The following CCDC60 variants were observed in gnomAD, a reference collection of about 807,000 sequenced individuals.
CCDC60 encodes coiled-coil domain containing 60.
Under a neutral mutation model 63.5 loss-of-function variants are expected in CCDC60, and 54 were observed. The ratio of observed to expected loss-of-function variants is 0.85; its 90% confidence interval spans 0.68 to 1.07. The LOEUF is 1.07. Among genes scored for constraint, CCDC60 ranks in the 50% least tolerant of loss-of-function variants. CCDC60 has a pLI of 0.00. For synonymous variants in CCDC60, 206 were observed against 238.8 expected (o/e 0.86, Z 1.27); for missense variants, 651 against 684.3 (o/e 0.95, Z 0.54).
intron 1 of CCDC60, among the ~76,000 whole-genome samples, chr12:119,335,956 A>G (rs1471469694): frequency 6.6e-6 from 1 of 151,938 alleles, no homozygotes; most frequent in African/African-American, 2.4e-5. Context: ...GACATGGATG[A>G]AATTGGAAAT....
intron 4 of CCDC60, among the ~76,000 whole-genome samples, chr12:119,482,194 G>C (rs1951345041): frequency 1.3e-5 from 2 of 149,130 alleles, no homozygotes. Context: ...ATATGCCACA[G>C]CTTCTTTATC....
intron 1 of CCDC60, among the ~76,000 whole-genome samples, chr12:119,418,407 T>C (rs1215604090): frequency 0.14 from 5,277 of 37,004 alleles, 381 homozygotes; most frequent in Non-Finnish European, 0.2. Flanking sequence ...TTTTTTTTTT[T>C]TTTTTTTTTT....
intron 1 of CCDC60, among the ~76,000 whole-genome samples, chr12:119,395,200 T>C (rs11064773): frequency 0.076 from 11,610 of 152,288 alleles, 565 homozygotes; most frequent in Middle Eastern, 0.16. Context: ...CCCTGAAGAA[T>C]TGAGGCTTTC....
intron 1 of CCDC60, among the ~76,000 whole-genome samples, chr12:119,338,007 T>C (rs1026530165): frequency 6.6e-6 from 1 of 152,098 alleles, no homozygotes; most frequent in Non-Finnish European, 1.5e-5. Context: ...AGGAGGGTAG[T>C]GGGACTCAGG....
At chr12:119,497,220 C>T (rs142833051) in intron 5 of CCDC60, among the ~76,000 whole-genome samples, 15 of 152,310 alleles carry the variant, frequency 9.8e-5, no homozygotes, top group African/African-American at 2.9e-4. Context: ...ACTATTTGGT[C>T]GATGGCACTA....
At chr12:119,505,026 T>C (rs1951953071) in intron 6 of CCDC60, 43 bp from the exon 7 acceptor site, 3 of 1,425,130 alleles carry the variant, frequency 2.1e-6, no homozygotes, top group Admixed American at 4.0e-5. Context: ...TCCATCTTTT[T>C]CCCCCTCCTT....
intron 6 of CCDC60, among the ~76,000 whole-genome samples, chr12:119,503,190 TA>T (rs1348059521): frequency 1.3e-5 from 2 of 151,930 alleles, no homozygotes; most frequent in African/African-American, 2.4e-5. Context: ...AAAATAAAAA[TA>T]AAAAAATTAC....
chr12:119,408,264 A>G (rs1469345908), intron 1 of CCDC60, among the ~76,000 whole-genome samples: 5 of 152,202 alleles, frequency 3.3e-5, no homozygotes, highest in African/African-American at 1.2e-4. Flanking sequence ...AAACCTTAGC[A>G]GCTTAAGGCA....
intron 5 of CCDC60, among the ~76,000 whole-genome samples, chr12:119,490,429 G>T (rs770395886): frequency 2.2e-4 from 33 of 152,102 alleles, no homozygotes; most frequent in Non-Finnish European, 3.8e-4. Flanking sequence ...AAGAGGTTTG[G>T]GAGCCTGGGA....
chr12:119,369,416 C>T (rs1191173572), intron 1 of CCDC60, among the ~76,000 whole-genome samples: 1 of 152,172 alleles, frequency 6.6e-6, no homozygotes, highest in Admixed American at 6.5e-5. Context: ...TTAGAAAAAA[C>T]ACTTGTATTG....
chr12:119,344,839 TCTCTCTCTCTCTCTCTCACA>T (rs1471844336), intron 1 of CCDC60, among the ~76,000 whole-genome samples: 6 of 103,160 alleles, frequency 5.8e-5, no homozygotes, highest in African/African-American at 2.2e-4. Context: ...TCTCTCTTTC[TCTCTCTCTCTCTCTCTCACA>T]CACACACACA....
chr12:119,507,495 CATATATACACACAT>C, intron 7 of CCDC60, among the ~76,000 whole-genome samples: 1 of 133,222 alleles, frequency 7.5e-6, no homozygotes, highest in Non-Finnish European at 1.6e-5. Context: ...CACATATATA[CATATATACACACAT>C]ATATATACAT....
intron 2 of CCDC60, among the ~76,000 whole-genome samples, chr12:119,430,092 T>C (rs1286718185): frequency 2.0e-5 from 3 of 151,996 alleles, no homozygotes; most frequent in Non-Finnish European, 4.4e-5. Flanking sequence ...TATTTCATAC[T>C]TAGAACACGT....
chr12:119,363,233 T>C (rs1306839341), intron 1 of CCDC60, among the ~76,000 whole-genome samples: 1 of 152,248 alleles, frequency 6.6e-6, no homozygotes, highest in Admixed American at 6.5e-5. Flanking sequence ...GGTGAGTGTG[T>C]AGTGATACCT....
At chr12:119,398,043 C>CGGG (rs1168299376) in intron 1 of CCDC60, among the ~76,000 whole-genome samples, 15 of 26,716 alleles carry the variant, frequency 5.6e-4, no homozygotes, top group East Asian at 8.3e-3. Context: ...GAAGGGGCAG[C>CGGG]GGGGGGGGAG....
intron 6 of CCDC60, among the ~76,000 whole-genome samples, chr12:119,504,035 C>A (rs529979450): frequency 2.0e-5 from 3 of 152,184 alleles, no homozygotes; most frequent in African/African-American, 7.2e-5. Flanking sequence ...CATCTGAGGG[C>A]CTATTCTTCC....
At chr12:119,502,343 T>C (rs1412561657) in intron 6 of CCDC60, among the ~76,000 whole-genome samples, 1 of 152,210 alleles carries the variant, frequency 6.6e-6, no homozygotes, top group South Asian at 2.1e-4. Context: ...CTGCAACCCC[T>C]ACTTCACAGA....
intron 3 of CCDC60, among the ~76,000 whole-genome samples, chr12:119,475,011 T>TCC (rs1236674392): frequency 1.3e-5 from 2 of 152,142 alleles, no homozygotes; most frequent in African/African-American, 2.4e-5. Context: ...CTGGTATATT[T>TCC]CCAGTCACCT....
At chr12:119,417,292 C>T (rs1956718953) in intron 1 of CCDC60, among the ~76,000 whole-genome samples, 1 of 152,034 alleles carries the variant, frequency 6.6e-6, no homozygotes, top group African/African-American at 2.4e-5. Flanking sequence ...ACAAGAAAAT[C>T]CCCCACAACA....
Sources: allele counts gnomAD v4.1 joint callset (sites outside exome capture counted in the v4.1 genomes callset), GRCh38; gene constraint gnomAD v4.1.1; transcripts MANE v1.5; gene names NCBI Gene and HGNC (gene_info 2026-07-23, HGNC 2026-07-21).